Variants in RTN4 observed in about 807,000 individuals in gnomAD.
RTN4 encodes the protein reticulon 4.
RTN4 carries 32 observed loss-of-function variants against 90.4 expected under a neutral mutation model. The ratio of observed to expected loss-of-function variants is 0.35; its 90% CI spans 0.27 to 0.48. The LOEUF (loss-of-function observed/expected upper bound fraction) is 0.48, where lower values mean the gene tolerates loss of function less well. RTN4 is among the 20% of genes least tolerant of loss of function. The probability of loss-of-function intolerance (pLI) is 0.99; values close to 1 mark genes in which losing one functional copy is unlikely to be tolerated. For synonymous variants in RTN4, 629 were observed against 552.5 expected (o/e 1.14, Z -1.94); for missense variants, 1,706 against 1,430.2 (o/e 1.19, Z -3.11).
chr2:55,130,828 C>G, the RTN4 span, among the ~76,000 whole-genome samples: 2 of 152,096 alleles, frequency 1.3e-5, no homozygotes, highest in Non-Finnish European at 2.9e-5. Context: ...CTGACTGATT[C>G]AAGAGCTGCC....
intron 1 of RTN4, among the ~76,000 whole-genome samples, chr2:55,047,089 G>A (rs191617308): frequency 6.6e-6 from 1 of 152,282 alleles, no homozygotes; most frequent in Non-Finnish European, 1.5e-5. Flanking sequence ...CACTTTGGGA[G>A]GCCAAGGTGG....
At position 55,049,664 on chromosome 2, in the gene RTN4, C is replaced by A. The variant is rs988771759; in HGVS notation, c.556+81G>T. Reference sequence around the variant, plus strand: ...GCGCCCTCGGGGCGGAGAGGAGGGACCAGCCCAAAGCATCTGGGGCTGCAC... The same window carrying A: ...GCGCCCTCGGGGCGGAGAGGAGGGAACAGCCCAAAGCATCTGGGGCTGCAC... On this transcript the variant is annotated intron_variant, in intron 1 of 8. Coordinates refer to ENST00000337526, the MANE Select transcript of RTN4 (RefSeq NM_020532.5). 2.0e-6 allele frequency: 3 copies of A among 1,527,804 alleles called. No homozygotes were observed. In the Admixed American group the frequency reaches 6.3e-5, roughly 32 times the overall value. 94.6% of individuals were successfully genotyped at this position (1,527,804 alleles called of 1,614,324 possible).
At chr2:55,108,438 G>A (rs1667981882) in intron 1 of RTN4, among the ~76,000 whole-genome samples, 1 of 152,064 alleles carries the variant, frequency 6.6e-6, no homozygotes, top group African/African-American at 2.4e-5. Context: ...CATCGGGGAT[G>A]GGCCTGGAAT....
At chr2:55,069,150 CCACA>C (rs1405524214) in intron 2 of RTN4, among the ~76,000 whole-genome samples, 1 of 152,194 alleles carries the variant, frequency 6.6e-6, no homozygotes, top group Non-Finnish European at 1.5e-5. Flanking sequence ...GGTCTGTGAA[CCACA>C]CTTTGAGAAT....
At chr2:55,009,109 A>C (rs146231972) in intron 3 of RTN4, among the ~76,000 whole-genome samples, 1 of 152,152 alleles carries the variant, frequency 6.6e-6, no homozygotes, top group Non-Finnish European at 1.5e-5. Context: ...AGACATTGTA[A>C]AAGTTACTGT....
chr2:55,108,518 C>G (rs1353274424), intron 1 of RTN4, among the ~76,000 whole-genome samples: 1 of 151,926 alleles, frequency 6.6e-6, no homozygotes, highest in Non-Finnish European at 1.5e-5. Flanking sequence ...GCTAGCCATA[C>G]TGAATAGGGT....
intron 1 of RTN4, among the ~76,000 whole-genome samples, chr2:55,041,763 G>C (rs981842564): frequency 6.6e-6 from 1 of 151,992 alleles, no homozygotes; most frequent in Admixed American, 6.5e-5. Context: ...CTTACTAGGA[G>C]TAAACATGGG....
chr2:55,010,430 G>A (rs779997444), intron 3 of RTN4: 105 of 1,047,336 alleles, frequency 1.0e-4, no homozygotes, highest in Non-Finnish European at 1.0e-4. Flanking sequence ...TTTGCAGGGA[G>A]AGGGCAGGCT....
the RTN4 span, among the ~76,000 whole-genome samples, chr2:55,122,132 C>T: frequency 6.6e-6 from 1 of 151,810 alleles, no homozygotes; most frequent in African/African-American, 2.4e-5. Flanking sequence ...CAGGTAGGGG[C>T]CCCCTCTAGA....
Position 55,027,259 on chromosome 2 carries a change from T to C in RTN4, c.840A>G (p.Ala280=), listed in dbSNP as rs746878496. Residue 280 remains alanine (A), a synonymous_variant, in exon 3 of 9, where the codon GCA becomes GCG. Transcript: ENST00000337526. ...AATCTCTATCTATGAGTAGAGTTTT[T>C]GCCTTCTCTGAGACCTCTTTAGAAG... ...SEASKEVSEK[A]KTLLIDRDLT... 18 of 1,613,682 alleles carry C rather than the reference T, an allele frequency of 1.1e-5. No homozygotes were observed. Among genetic ancestry groups the C allele is most frequent in the Non-Finnish European group, 1.4e-5 (17 of 1,179,824 alleles).
In RTN4 at chr2:54,974,688, G is replaced by GACTT. The variant is rs375950872; in HGVS notation, c.3430+3_3430+6dup. 4.6e-4 allele frequency: 741 copies of GACTT among 1,610,230 alleles called. No individual in the cohort carries two copies. The highest frequency in any genetic ancestry group is 5.9e-4 in the Non-Finnish European group (689 of 1,176,532). ...AATTTTTCATCCCAATGGCTTTGTA[G>GACTT]ACTTACCCAAAATCAGTAGTGTCAG... On this transcript the variant is annotated splice_region_variant and intron_variant, in intron 6 of 8. Coordinates refer to ENST00000337526, the MANE Select transcript of RTN4 (RefSeq NM_020532.5).
At chr2:54,983,986 T>C (rs1678351649) in intron 4 of RTN4, among the ~76,000 whole-genome samples, 1 of 152,222 alleles carries the variant, frequency 6.6e-6, no homozygotes, top group African/African-American at 2.4e-5. Context: ...TACTTCCAAC[T>C]ACTCTTTATG....
intron 2 of RTN4, among the ~76,000 whole-genome samples, chr2:55,064,222 GA>G (rs1558864094): frequency 3.5e-5 from 5 of 143,110 alleles, no homozygotes; most frequent in Admixed American, 1.4e-4. Flanking sequence ...AAAAAAGAAA[GA>G]AAAGAAAAGA....
chr2:55,105,227 GTT>G (rs869164590), intron 1 of RTN4, among the ~76,000 whole-genome samples: 9 of 114,040 alleles, frequency 7.9e-5, no homozygotes, highest in African/African-American at 2.0e-4. Context: ...TGCTATTGAA[GTT>G]TTTTTTTTTT....
intron 1 of RTN4, among the ~76,000 whole-genome samples, chr2:55,099,549 G>A (rs545758603): frequency 6.6e-6 from 1 of 152,054 alleles, no homozygotes; most frequent in African/African-American, 2.4e-5. Context: ...TTTGACATGG[G>A]AAATGGTATT....
intron 1 of RTN4, among the ~76,000 whole-genome samples, chr2:55,100,426 A>G (rs1207253691): frequency 2.6e-5 from 4 of 152,144 alleles, no homozygotes; most frequent in African/African-American, 9.7e-5. Flanking sequence ...CTGGAAGCCC[A>G]TTCATATTAT....
the RTN4 span, among the ~76,000 whole-genome samples, chr2:55,136,147 A>G: frequency 1.3e-5 from 2 of 152,344 alleles, no homozygotes; most frequent in Admixed American, 6.5e-5. Context: ...CTTCCTGATA[A>G]GATCTCAGAA....
chr2:55,043,822 G>T (rs1172474883), intron 1 of RTN4, among the ~76,000 whole-genome samples: 1 of 151,758 alleles, frequency 6.6e-6, no homozygotes, highest in Non-Finnish European at 1.5e-5. Context: ...GGAGGTGGAG[G>T]TTGCAGTGAG....
Position 54,973,071 on chromosome 2 carries a change from G to T in RTN4, c.*85C>A. Reference sequence around the variant, plus strand: ...CTGTGAAACTGCACTGCAACGTCAAGGTTCGTTCTTCCCTGACCCTCCCCC... The same window carrying T: ...CTGTGAAACTGCACTGCAACGTCAATGTTCGTTCTTCCCTGACCCTCCCCC... On this transcript the variant is annotated 3_prime_UTR_variant, in exon 9 of 9. Transcript: ENST00000337526. 9.0e-7 allele frequency: 1 copy of T among 1,114,802 alleles called. No homozygotes were observed. The highest frequency in any genetic ancestry group is 1.3e-6 in the Non-Finnish European group (1 of 747,772). 69.1% of individuals were successfully genotyped at this position (1,114,802 alleles called of 1,614,324 possible). A position where few individuals can be genotyped will look rare whatever the true frequency, so the allele number is the denominator to read the frequency against.
Sources: gnomAD v4.1 joint callset for allele counts (sites outside exome capture counted in the v4.1 genomes callset) on GRCh38, gnomAD v4.1.1 for gene constraint, MANE v1.5 for transcripts, NCBI Gene and HGNC (gene_info 2026-07-23, HGNC 2026-07-21) for gene names.